Variants in VDAC2 observed in about 807,000 individuals in gnomAD.
The protein encoded by VDAC2 is non-selective voltage-gated ion channel VDAC2.
Under a neutral mutation model 36.6 loss-of-function variants are expected in VDAC2, and 6 were observed. The observed-to-expected ratio is 0.16, with a 90% CI of 0.09 to 0.32. VDAC2 has a LOEUF of 0.32. Among genes scored for constraint, VDAC2 ranks in the 10% least tolerant of loss-of-function variants. The probability of loss-of-function intolerance (pLI) is 1.00; values close to 1 mark genes in which losing one functional copy is unlikely to be tolerated. For synonymous variants in VDAC2, 109 were observed against 123.8 expected (o/e 0.88, Z 0.79); for missense variants, 247 against 346.0 (o/e 0.71, Z 2.27).
intron 8 of VDAC2, among the ~76,000 whole-genome samples, chr10:75,223,593 A>G (rs983517247): frequency 6.6e-6 from 1 of 152,178 alleles, no homozygotes; most frequent in African/African-American, 2.4e-5. Context: ...GATATTAGGA[A>G]GTATATATTT....
chr10:75,215,565 G>C (rs189389910), intron 4 of VDAC2, among the ~76,000 whole-genome samples: 1 of 151,510 alleles, frequency 6.6e-6, no homozygotes, highest in Admixed American at 6.6e-5. Context: ...TGTTAGCCAG[G>C]ATGGTCTCAA....
chr10:75,222,375 T>C lies in VDAC2; in HGVS notation c.708T>C (p.Tyr236=), dbSNP rs1186983563. 1.2e-6 allele frequency: 2 copies of C among 1,614,176 alleles called. No individual in the cohort carries two copies. Among genetic ancestry groups the C allele is most frequent in the East Asian group, 2.2e-5 (1 of 44,886 alleles). The change falls in exon 8 of 10, where the codon TAT becomes TAC. Residue 236 remains tyrosine (Y), a synonymous_variant. Transcript: ENST00000332211. ...CTCGTTTTGGCATTGCAGCTAAATA[T>C]CAGTTGGATCCCACTGCTTCCATTT... ...NCTRFGIAAK[Y]QLDPTASISA... is the part of the protein sequence containing the mutation.
chr10:75,211,330 C>T (rs1254763619), intron 2 of VDAC2, 141 bp downstream of exon 2: 28 of 1,412,226 alleles, frequency 2.0e-5, no homozygotes, highest in Non-Finnish European at 2.7e-5. Flanking sequence ...GTCTGACCAC[C>T]TCCTCTGCGG....
At chr10:75,211,003 G>A in intron 1 of VDAC2, 65 bp downstream of exon 1, 2 of 846,370 alleles carry the variant, frequency 2.4e-6, no homozygotes, top group Non-Finnish European at 3.4e-6. Context: ...CCGGAGGCCC[G>A]CGCCGGACTC....
chr10:75,219,263 A>G (rs759002744), intron 5 of VDAC2, 41 bp from the exon 6 acceptor site: 1 of 1,558,140 alleles, frequency 6.4e-7, no homozygotes, highest in Non-Finnish European at 8.6e-7. Flanking sequence ...TTATTTTTGT[A>G]TTTCAAAAAA....
Position 75,224,633 on chromosome 10 carries a change from T to C in VDAC2, c.735+2231T>C, listed in dbSNP as rs1003065946. 2.0e-5 allele frequency among the ~76,000 whole-genome samples: 3 copies of C among 152,140 alleles called. No homozygotes were observed. The East Asian group carries it at 5.8e-4, about 29-fold the overall frequency. On this transcript the variant is annotated intron_variant, in intron 8 of 9. Transcript: ENST00000332211. ...CAAACAATAAGAAACAAACAAAATA[T>C]ACAATCCCTTGATTATTGTTATTTG...
intron 8 of VDAC2, among the ~76,000 whole-genome samples, chr10:75,223,806 A>G (rs981372130): frequency 2.6e-5 from 4 of 152,230 alleles, no homozygotes; most frequent in South Asian, 4.2e-4. Flanking sequence ...TTGTTCACCA[A>G]TGGCTAGTGG....
At chr10:75,223,675 T>C (rs1841882439) in intron 8 of VDAC2, among the ~76,000 whole-genome samples, 9 of 152,220 alleles carry the variant, frequency 5.9e-5, no homozygotes, top group Admixed American at 5.9e-4. Flanking sequence ...AAGTATCTTT[T>C]TGTATGCTAA....
intron 1 of VDAC2, 56 bp from the exon 2 acceptor site, chr10:75,211,078 G>C: frequency 6.7e-7 from 1 of 1,500,224 alleles, no homozygotes; most frequent in Non-Finnish European, 9.0e-7. Flanking sequence ...TCTCTGCCCG[G>C]GATCTCCCTT....
chr10:75,216,034 T>C (rs1176354720), intron 4 of VDAC2, among the ~76,000 whole-genome samples: 1 of 152,238 alleles, frequency 6.6e-6, no homozygotes, highest in East Asian at 1.9e-4. Context: ...GCCTGTTGGA[T>C]TTCTGGGGAT....
intron 7 of VDAC2, among the ~76,000 whole-genome samples, chr10:75,221,436 A>G (rs967326366): frequency 1.3e-5 from 2 of 151,758 alleles, no homozygotes; most frequent in African/African-American, 4.8e-5. Flanking sequence ...GGGTTCAAAC[A>G]ATTCTCCTGC....
chr10:75,222,153 C>A, intron 7 of VDAC2, 99 bp from the exon 8 acceptor site: 2 of 1,293,092 alleles, frequency 1.5e-6, no homozygotes, highest in Non-Finnish European at 2.1e-6. Flanking sequence ...CCCACTTGAG[C>A]TGTGGTTTTT....
intron 4 of VDAC2, among the ~76,000 whole-genome samples, chr10:75,214,996 C>G (rs1350107890): frequency 6.6e-6 from 1 of 152,270 alleles, no homozygotes; most frequent in Admixed American, 6.5e-5. Flanking sequence ...TCACTGCAGC[C>G]TCGACCTCTT....
chr10:75,222,830 T>A (rs964808801), intron 8 of VDAC2, among the ~76,000 whole-genome samples: 1 of 152,074 alleles, frequency 6.6e-6, no homozygotes, highest in African/African-American at 2.4e-5. Context: ...TCCCAACTAA[T>A]TTTTTGATGT....
At chr10:75,212,483 C>G (rs940191694) in intron 3 of VDAC2, among the ~76,000 whole-genome samples, 185 bp downstream of exon 3, 1 of 152,050 alleles carries the variant, frequency 6.6e-6, no homozygotes, top group Non-Finnish European at 1.5e-5. Context: ...ATGATTATAC[C>G]TCACTGCAGC....
At chr10:75,214,185 CTTTGT>C (rs1166490328) in intron 4 of VDAC2, 115 bp downstream of exon 4, 7 of 1,130,338 alleles carry the variant, frequency 6.2e-6, no homozygotes, top group East Asian at 5.1e-5. Flanking sequence ...CAGAAGTTAA[CTTTGT>C]TTTAAGAGAT....
At chr10:75,210,464 A>G (rs1589994485), upstream of VDAC2, among the ~76,000 whole-genome samples, 1 of 152,160 alleles carries the variant, frequency 6.6e-6, no homozygotes, top group East Asian at 1.9e-4. Context: ...GCCGCGCCCT[A>G]TCGCCCCGGC....
At chr10:75,223,584 A>G (rs1242263789) in intron 8 of VDAC2, among the ~76,000 whole-genome samples, 2 of 152,150 alleles carry the variant, frequency 1.3e-5, no homozygotes, top group African/African-American at 4.8e-5. Flanking sequence ...GCTCCTTGTG[A>G]TATTAGGAAG....
chr10:75,219,020 A>G (rs1267225604), intron 4 of VDAC2, 43 bp from the exon 5 acceptor site: 5 of 1,582,876 alleles, frequency 3.2e-6, no homozygotes, highest in Non-Finnish European at 2.6e-6. Flanking sequence ...GATGAATTCT[A>G]GGCTTATGAG....
Sources: allele counts gnomAD v4.1 joint callset (sites outside exome capture counted in the v4.1 genomes callset), GRCh38; gene constraint gnomAD v4.1.1; transcripts MANE v1.5; gene names NCBI Gene and HGNC (gene_info 2026-07-23, HGNC 2026-07-21).